The following ACTR6 variants were observed in gnomAD, a reference collection of about 807,000 sequenced individuals.
ACTR6 encodes actin related protein 6.
ACTR6 carries 50 observed loss-of-function variants against 52.5 expected under a neutral mutation model. The observed-to-expected ratio is 0.95, with a 90% CI of 0.76 to 1.20. The LOEUF (loss-of-function observed/expected upper bound fraction) is 1.20. Among genes scored for constraint, ACTR6 ranks in the 50% most tolerant of loss-of-function variants. ACTR6 has a pLI of 0.00. For missense variants in ACTR6, 344 were observed against 472.4 expected, an observed-to-expected ratio of 0.73 and a Z score of 2.52; for synonymous variants, 135 against 147.2, an observed-to-expected ratio of 0.92 and a Z score of 0.60.
intron 3 of ACTR6, among the ~76,000 whole-genome samples, chr12:100,207,033 T>C (rs536140302): frequency 1.3e-5 from 2 of 152,098 alleles, no homozygotes; most frequent in South Asian, 2.1e-4. Flanking sequence ...GTATCATTCA[T>C]TAATGTTTCT....
chr12:100,206,197 G>A (rs575159630), intron 3 of ACTR6: 1 of 152,338 alleles, frequency 6.6e-6, no homozygotes, highest in African/African-American at 2.4e-5. Context: ...AACATCTGCA[G>A]GCCAAGCGCA....
At chr12:100,223,611 T>G (rs900198650) in intron 10 of ACTR6, among the ~76,000 whole-genome samples, 175 bp from the exon 11 acceptor site, 1 of 152,188 alleles carries the variant, frequency 6.6e-6, no homozygotes, top group Admixed American at 6.5e-5. Context: ...TCATATGAAA[T>G]GTATGCTTAT....
intron 6 of ACTR6, among the ~76,000 whole-genome samples, 166 bp downstream of exon 6, chr12:100,210,517 G>A (rs1196869961): frequency 6.6e-6 from 1 of 151,900 alleles, no homozygotes. Context: ...CCAGGAGTTC[G>A]AGACCAGCCT....
At chr12:100,214,832 G>T (rs1427314397) in intron 8 of ACTR6, among the ~76,000 whole-genome samples, 4 of 152,186 alleles carry the variant, frequency 2.6e-5, no homozygotes, top group African/African-American at 9.7e-5. Context: ...TAGATGATGG[G>T]ATAAGGTTGC....
chr12:100,218,462 A>G lies in ACTR6; in HGVS notation c.798A>G (p.Gln266=). The G allele has an allele frequency of 1.2e-6, 2 of 1,611,160 alleles. No individual in the cohort carries two copies. Among genetic ancestry groups the G allele is most frequent in the Non-Finnish European group, 1.7e-6 (2 of 1,178,772 alleles). ...GTGGAAAATACAAATCTGGGGAACA[A>G]ATTCTTCGTTTGGCCAATGAGAGAT... The part of the protein sequence containing the change: ...VLSGKYKSGE[Q]ILRLANERFA... Residue 266 remains glutamine (Q), a synonymous_variant, in exon 9 of 11, where the codon CAA becomes CAG. Coordinates refer to ENST00000188312, the MANE Select transcript of ACTR6 (RefSeq NM_022496.5). This position sits in a 1 kb window ranked among gnomAD's most constrained non-coding sequence, Gnocchi z 4.2.
At chr12:100,221,104 G>C (rs910752526) in intron 10 of ACTR6, among the ~76,000 whole-genome samples, 1 of 151,364 alleles carries the variant, frequency 6.6e-6, no homozygotes, top group African/African-American at 2.4e-5. Context: ...TGTAAATAAA[G>C]AAACAAGGGC....
intron 10 of ACTR6, among the ~76,000 whole-genome samples, chr12:100,223,467 C>A (rs973877761): frequency 9.2e-5 from 14 of 152,242 alleles, no homozygotes; most frequent in African/African-American, 3.4e-4. Context: ...TTTTAGGCAT[C>A]TTTTGATCTT....
At position 100,200,925 on chromosome 12, in the gene ACTR6, T is replaced by C. The variant is rs778754403; in HGVS notation, c.68+6T>C. 29 of 1,614,008 alleles carry C rather than the reference T, an allele frequency of 1.8e-5. No homozygotes were observed. In the South Asian group the frequency reaches 3.2e-4, roughly 18 times the overall value. ...TACAGCCATGAAAATGTGTCGTAAG[T>C]ACTTTCTTTCTCCGAGGGACAAGAT... On this transcript the variant is annotated splice_donor_region_variant and intron_variant, in intron 1 of 10. Transcript: ENST00000188312.
intron 1 of ACTR6, chr12:100,203,664 T>A (rs2096111833): frequency 6.8e-6 from 1 of 147,698 alleles, no homozygotes; most frequent in Non-Finnish European, 1.5e-5. Flanking sequence ...TTTTTTTTTT[T>A]TTTTGAGACG....
intron 6 of ACTR6, 127 bp downstream of exon 6, chr12:100,210,478 G>A: frequency 2.0e-6 from 2 of 1,019,068 alleles, no homozygotes; most frequent in Non-Finnish European, 2.9e-6. Context: ...CAGCACATTG[G>A]GAGGCCGAGG....
chr12:100,211,202 T>G (rs939691263), intron 6 of ACTR6, among the ~76,000 whole-genome samples: 4 of 151,956 alleles, frequency 2.6e-5, no homozygotes, highest in African/African-American at 9.7e-5. Flanking sequence ...GGATATTGAG[T>G]GTTACCAATA....
chr12:100,212,167 GA>G, intron 6 of ACTR6, 88 bp from the exon 7 acceptor site: 1 of 937,604 alleles, frequency 1.1e-6, no homozygotes, highest in Non-Finnish European at 1.6e-6. Context: ...TCAGTTACCT[GA>G]AAATTTAATT....
chr12:100,220,254 C>T, intron 10 of ACTR6, 108 bp downstream of exon 10: 1 of 1,041,518 alleles, frequency 9.6e-7, no homozygotes, highest in Non-Finnish European at 1.4e-6. Context: ...AGGTTCATTT[C>T]ACCTGCTGAA....
In ACTR6 at chr12:100,210,093, A is replaced by G; in HGVS notation, c.400A>G (p.Arg134Gly). The G allele has an allele frequency of 6.2e-7, 1 of 1,605,570 alleles. No homozygotes were observed. Among genetic ancestry groups the G allele is most frequent in the Non-Finnish European group, 8.5e-7 (1 of 1,178,090 alleles). ...RVNAGALSAH[R>G]YFRDNPSELC... ...AATAGCTGGGGCTCTCAGTGCACAT[A>G]GGTATTTCCGAGATAATCCTTCCGA... Residue 134 changes from arginine (R) to glycine (G), a missense_variant, in exon 5 of 11, where the codon AGG becomes GGG. Coordinates refer to ENST00000188312, the MANE Select transcript of ACTR6 (RefSeq NM_022496.5).
chr12:100,208,451 T>C (rs190254075), intron 4 of ACTR6, among the ~76,000 whole-genome samples: 14 of 151,862 alleles, frequency 9.2e-5, no homozygotes, highest in African/African-American at 2.7e-4. Context: ...AATTTTGTAT[T>C]TTTAGTAGAG....
chr12:100,209,928 C>T, intron 4 of ACTR6, 145 bp from the exon 5 acceptor site: 1 of 561,018 alleles, frequency 1.8e-6, no homozygotes, highest in East Asian at 3.2e-5. Context: ...GATCTTTTGA[C>T]AGTTATGAAT....
At chr12:100,208,851 A>G (rs1454996638) in intron 4 of ACTR6, 1 of 448,772 alleles carries the variant, frequency 2.2e-6, no homozygotes, top group South Asian at 1.6e-5. Context: ...GGCTCAAGGG[A>G]TCCTCCCGCC....
intron 3 of ACTR6, among the ~76,000 whole-genome samples, chr12:100,206,507 T>G (rs1296297739): frequency 1.4e-5 from 2 of 140,786 alleles, no homozygotes; most frequent in Admixed American, 6.8e-5. Flanking sequence ...CATCTGCAAG[T>G]TTTTTTTTAT....
At chr12:100,205,966 C>G (rs1308564157) in intron 3 of ACTR6, among the ~76,000 whole-genome samples, 1 of 152,150 alleles carries the variant, frequency 6.6e-6, no homozygotes, top group Non-Finnish European at 1.5e-5. Flanking sequence ...ATTATTAGAT[C>G]AATTCACTAT....
Sources: gnomAD v4.1 joint callset for allele counts (sites outside exome capture counted in the v4.1 genomes callset) on GRCh38, gnomAD v4.1.1 for gene constraint, Gnocchi (gnomAD v3.1) non-coding constraint, MANE v1.5 for transcripts, NCBI Gene and HGNC (gene_info 2026-07-23, HGNC 2026-07-21) for gene names.